The following TFAP2B variants were observed in gnomAD, a reference collection of about 807,000 sequenced individuals.
TFAP2B encodes the protein transcription factor AP-2 beta.
Under a neutral mutation model 44.3 loss-of-function variants are expected in TFAP2B, and 9 were observed. The observed-to-expected ratio is 0.20, with a 90% CI of 0.12 to 0.35. The LOEUF is 0.35. TFAP2B is among the 10% of genes least tolerant of loss of function. The pLI, the probability that TFAP2B is intolerant of heterozygous loss-of-function variation, is 1.00. For missense variants in TFAP2B, 509 were observed against 600.0 expected (o/e 0.85, Z 1.59); for synonymous variants, 270 against 263.8 (o/e 1.02, Z -0.23).
At chr6:50,822,475 A>G (rs1164907756) in intron 1 of TFAP2B, among the ~76,000 whole-genome samples, 1 of 152,156 alleles carries the variant, frequency 6.6e-6, no homozygotes, top group Non-Finnish European at 1.5e-5. Context: ...GGAGTTTACC[A>G]TGATGTTTCC....
chr6:50,823,411 G>T lies in TFAP2B; in HGVS notation c.86G>T (p.Arg29Leu). The change falls in exon 2 of 7, where the codon CGG becomes CTG. Residue 29 changes from arginine (R) to leucine (L), a missense_variant. By Grantham distance (102) the Arg-to-Leu change is moderately radical. Around this residue, in one of 3 missense-constraint regions of TFAP2B, gnomAD observed 296 missense variants for 308.2 expected, o/e 0.96. Transcript: ENST00000393655. ...CCTTCCTCTCTCCGCTCCCAGGACC[G>T]GCACGATGGTGTCCCGAGCCACAGC... is the stretch of plus-strand genomic sequence containing the variant. ...NVKYEDIYED[R>L]HDGVPSHSSR... The T allele has an allele frequency of 6.3e-7, 1 of 1,590,084 alleles. No homozygotes were observed. The highest frequency in any genetic ancestry group is 8.6e-7 in the Non-Finnish European group (1 of 1,168,862).
At chr6:50,840,438 T>C (rs1762703800) in intron 6 of TFAP2B, 141 bp downstream of exon 6, 2 of 1,053,106 alleles carry the variant, frequency 1.9e-6, no homozygotes, top group Non-Finnish European at 2.9e-6. Context: ...GCAAGCAAGG[T>C]AGGCAGAGTT....
intron 3 of TFAP2B, among the ~76,000 whole-genome samples, chr6:50,831,644 A>G (rs556537449): frequency 2.0e-4 from 28 of 140,452 alleles, no homozygotes; most frequent in Non-Finnish European, 3.7e-4. Context: ...TCTCAGTTCC[A>G]TTAAGATTAG....
rs1001704206 is a variant in TFAP2B, at chr6:50,845,130, A to T, written c.*1738A>T. The T allele has an allele frequency of 6.6e-6, 1 of 152,220 alleles. No individual in the cohort carries two copies. The highest frequency in any genetic ancestry group is 1.5e-5 in the Non-Finnish European group (1 of 68,042). 9.4% of individuals were successfully genotyped at this position (152,220 alleles called of 1,614,324 possible). ...AGCAGTGAGAAATTATCCCGGGATAAGGGTGAATGAGAGAGGTCTCTAAAT... is the reference window on the plus strand; with the variant it reads ...AGCAGTGAGAAATTATCCCGGGATATGGGTGAATGAGAGAGGTCTCTAAAT... On this transcript the variant is annotated 3_prime_UTR_variant, in exon 7 of 7. Coordinates refer to ENST00000393655, the MANE Select transcript of TFAP2B (RefSeq NM_003221.4).
intron 1 of TFAP2B, 79 bp downstream of exon 1, chr6:50,819,051 A>T (rs1242075875): frequency 1.3e-5 from 17 of 1,349,970 alleles, no homozygotes; most frequent in Non-Finnish European, 1.8e-5. Context: ...AATGATATAT[A>T]TTTTTAAGCT....
chr6:50,836,739 T>C (rs1431373716), intron 4 of TFAP2B, among the ~76,000 whole-genome samples: 18 of 152,156 alleles, frequency 1.2e-4, no homozygotes, highest in Admixed American at 1.2e-3. Flanking sequence ...TTTTATTGCA[T>C]GTTTTAAATG....
intron 1 of TFAP2B, chr6:50,822,224 T>C: frequency 1.6e-6 from 2 of 1,230,962 alleles, no homozygotes; most frequent in Non-Finnish European, 2.2e-6. Context: ...TCTCTGTCTC[T>C]GCGTCTCTGT....
In TFAP2B at chr6:50,846,629, A is replaced by T. The variant is rs1762855726; in HGVS notation, c.*3237A>T. ...TAAAGGTTCCAAAGATCTCCAGACCATTCTCTGCCAAACCCTGCCGCCTCC... is the reference window on the plus strand; with the variant it reads ...TAAAGGTTCCAAAGATCTCCAGACCTTTCTCTGCCAAACCCTGCCGCCTCC... On this transcript the variant is annotated 3_prime_UTR_variant, in exon 7 of 7. Transcript: ENST00000393655. The T allele has an allele frequency of 6.6e-6, 1 of 152,196 alleles. No individual in the cohort carries two copies. The highest frequency in any genetic ancestry group is 1.5e-5 in the Non-Finnish European group (1 of 68,058). The allele number at this position is 152,196 out of a possible 1,614,324, so 9.4% of individuals were successfully genotyped here. A position where few individuals can be genotyped will look rare whatever the true frequency, so the allele number is the denominator to read the frequency against.
intron 3 of TFAP2B, among the ~76,000 whole-genome samples, chr6:50,833,086 A>C (rs1413851089): frequency 3.3e-5 from 5 of 152,204 alleles, no homozygotes; most frequent in Non-Finnish European, 7.3e-5. Flanking sequence ...CTTCATGCTG[A>C]GTTTTGCCAT....
chr6:50,828,528 T>A, intron 2 of TFAP2B, 91 bp from the exon 3 acceptor site: 1 of 1,107,980 alleles, frequency 9.0e-7, no homozygotes, highest in Non-Finnish European at 1.4e-6. Flanking sequence ...TAAATGGAAA[T>A]AACAGAAACT....
At chr6:50,820,379 C>A (rs1770306713) in intron 1 of TFAP2B, among the ~76,000 whole-genome samples, 1 of 143,746 alleles carries the variant, frequency 7.0e-6, no homozygotes, top group South Asian at 2.3e-4. Context: ...GCGCCTGGCG[C>A]CCACACCTCC....
chr6:50,834,002 A>G (rs973330369), intron 3 of TFAP2B, among the ~76,000 whole-genome samples: 1 of 152,216 alleles, frequency 6.6e-6, no homozygotes, highest in Non-Finnish European at 1.5e-5. Flanking sequence ...AGGGCCATCT[A>G]TATTTTGGAA....
At chr6:50,842,864 C>G (rs2113959952) in intron 6 of TFAP2B, among the ~76,000 whole-genome samples, 1 of 152,306 alleles carries the variant, frequency 6.6e-6, no homozygotes, top group East Asian at 1.9e-4. Flanking sequence ...CGGGGGAAGG[C>G]AAGGCTTTGG....
In TFAP2B at chr6:50,823,862, C is replaced by T. The variant is rs779495155; in HGVS notation, c.537C>T (p.Val179=). 1.9e-5 allele frequency: 29 copies of T among 1,537,604 alleles called. No individual in the cohort carries two copies. The highest frequency in any genetic ancestry group is 2.5e-5 in the Non-Finnish European group (29 of 1,147,928). The change falls in exon 2 of 7, where the codon GTC becomes GTT. Residue 179 remains valine (V), a synonymous_variant. Coordinates refer to ENST00000393655, the MANE Select transcript of TFAP2B (RefSeq NM_003221.4). ...HGLGHPGMED[V]QSVEDANNSG... is the part of the protein sequence containing the mutation. ...TCGGCCATCCCGGAATGGAAGACGT[C>T]CAGGTAACCACAAACAAACAAACAA... is the stretch of plus-strand genomic sequence containing the variant.
intron 1 of TFAP2B, among the ~76,000 whole-genome samples, chr6:50,822,587 C>T (rs1017736663): frequency 3.3e-5 from 5 of 152,088 alleles, no homozygotes; most frequent in African/African-American, 1.2e-4. Flanking sequence ...AATAAGTTGT[C>T]TGGGCTTTTA....
chr6:50,836,393 G>C (rs1234221312), intron 4 of TFAP2B, 113 bp downstream of exon 4: 1 of 974,216 alleles, frequency 1.0e-6, no homozygotes, highest in East Asian at 2.6e-5. Context: ...TCTGCAGTCT[G>C]ACGCAGTTGC....
chr6:50,847,367 T>C lies in TFAP2B; in HGVS notation c.*3975T>C, dbSNP rs535385017. Reference sequence around the variant, plus strand: ...GCTCTGGAGGGTATTCATGTTAAGTTTGTATATATTTATTTATGCTTAATT... The same window carrying C: ...GCTCTGGAGGGTATTCATGTTAAGTCTGTATATATTTATTTATGCTTAATT... On this transcript the variant is annotated 3_prime_UTR_variant, in exon 7 of 7. Transcript: ENST00000393655. 1.3e-5 allele frequency: 2 copies of C among 152,744 alleles called. No homozygotes were observed. Among genetic ancestry groups the C allele is most frequent in the Non-Finnish European group, 2.9e-5 (2 of 68,032 alleles). The allele number at this position is 152,744 out of a possible 1,614,324, so 9.5% of individuals were successfully genotyped here. A position where few individuals can be genotyped will look rare whatever the true frequency, so the allele number is the denominator to read the frequency against.
chr6:50,825,864 C>T (rs1050357686), intron 2 of TFAP2B, among the ~76,000 whole-genome samples: 1 of 152,108 alleles, frequency 6.6e-6, no homozygotes, highest in South Asian at 2.1e-4. Flanking sequence ...TGGGACGACC[C>T]CTATAGTGCA....
chr6:50,823,506 CCGT>C lies in TFAP2B; in HGVS notation c.187_189del (p.Ser63del), dbSNP rs779925401. ...GAGCGCCCCGCCGCTGTCCCACACC[CCGT>C]CGTCGGACTTCCAGCCGCCCTACTT... On this transcript the variant is annotated inframe_deletion, in exon 2 of 7. Coordinates refer to ENST00000393655, the MANE Select transcript of TFAP2B (RefSeq NM_003221.4). 2 of 1,613,800 alleles carry C rather than the reference CCGT, an allele frequency of 1.2e-6. No homozygotes were observed. The highest frequency in any genetic ancestry group is 2.2e-5 in the South Asian group (2 of 91,036).
Sources: allele counts gnomAD v4.1 joint callset (sites outside exome capture counted in the v4.1 genomes callset), GRCh38; gene constraint gnomAD v4.1.1; regional missense constraint gnomAD v4.1.1; transcripts MANE v1.5; gene names NCBI Gene and HGNC (gene_info 2026-07-23, HGNC 2026-07-21).